Variants in SAXO2 observed in about 807,000 individuals in gnomAD.
The protein encoded by SAXO2 is family with sequence similarity 154, member B.
Under a neutral mutation model 18.7 loss-of-function variants are expected in SAXO2, and 17 were observed. That is an observed-to-expected ratio of 0.91 (90% CI 0.62 to 1.36). The LOEUF (loss-of-function observed/expected upper bound fraction) is 1.36, where lower values mean the gene tolerates loss of function less well. SAXO2 is among the 40% of genes most tolerant of loss of function. The pLI, the probability that SAXO2 is intolerant of heterozygous loss-of-function variation, is 0.00. For missense variants in SAXO2, 486 were observed against 562.6 expected, an observed-to-expected ratio of 0.86 and a Z score of 1.38; for synonymous variants, 163 against 181.2, an observed-to-expected ratio of 0.90 and a Z score of 0.81.
intron 3 of SAXO2, chr15:82,272,013 C>T (rs1171527694): frequency 1.8e-5 from 8 of 455,636 alleles, no homozygotes; most frequent in Non-Finnish European, 3.1e-5. Flanking sequence ...CCCACAATCC[C>T]ATCCAAATTC....
In SAXO2 at chr15:82,272,790, A is replaced by C. The variant is rs567442386; in HGVS notation, c.433+988A>C. On this transcript the variant is annotated intron_variant, in intron 3 of 3. Transcript: ENST00000682753. ...ACTCCTGACCTCAAGTGATCCACACACCTCAGCCTCCCAAAGTGCTAAGAT... is the reference window on the plus strand; with the variant it reads ...ACTCCTGACCTCAAGTGATCCACACCCCTCAGCCTCCCAAAGTGCTAAGAT... 9.9e-5 allele frequency among the ~76,000 whole-genome samples: 15 copies of C among 151,774 alleles called. 1 individual carries two copies. The South Asian group carries it at 3.1e-3, about 32-fold the overall frequency.
In SAXO2 at chr15:82,284,017, C is replaced by T. The variant is rs1055505744; in HGVS notation, c.*955C>T. The T allele has an allele frequency of 6.6e-6, 1 of 152,176 alleles. No homozygotes were observed. Among genetic ancestry groups the T allele is most frequent in the African/African-American group, 2.4e-5 (1 of 41,440 alleles). 9.4% of individuals were successfully genotyped at this position (152,176 alleles called of 1,614,324 possible). A position where few individuals can be genotyped will look rare whatever the true frequency, so the allele number is the denominator to read the frequency against. Reference sequence around the variant, plus strand: ...AGATTTCTATTTGTACTACCTTAGGCAGTGACTCATATCTCTGAGCCTCAG... The same window carrying T: ...AGATTTCTATTTGTACTACCTTAGGTAGTGACTCATATCTCTGAGCCTCAG... On this transcript the variant is annotated 3_prime_UTR_variant, in exon 4 of 4. Transcript: ENST00000682753.
chr15:82,265,245 A>G (rs992142227), intron 1 of SAXO2, among the ~76,000 whole-genome samples: 2 of 152,126 alleles, frequency 1.3e-5, no homozygotes, highest in Non-Finnish European at 2.9e-5. Context: ...GGTTCACGCC[A>G]TTTCCCTGCC....
At chr15:82,278,130 G>A (rs1178972623) in intron 3 of SAXO2, among the ~76,000 whole-genome samples, 1 of 152,232 alleles carries the variant, frequency 6.6e-6, no homozygotes, top group South Asian at 2.1e-4. Context: ...AGGTGAAGAT[G>A]TATTGCAACT....
chr15:82,268,683 C>G (rs2075242260), intron 2 of SAXO2, among the ~76,000 whole-genome samples: 1 of 152,170 alleles, frequency 6.6e-6, no homozygotes. Context: ...TGAACTTGTA[C>G]AAGATTTTGG....
chr15:82,282,417 C>T lies in SAXO2; in HGVS notation c.732C>T (p.His244=), dbSNP rs1450644374. ...TDQRFEDLTT[H]RCDFQGLIGE... ...AACGCTTTGAGGATCTCACAACTCA[C>T]CGGTGTGACTTTCAGGGTCTCATTG... Residue 244 remains histidine (H), a synonymous_variant, in exon 4 of 4, where the codon CAC becomes CAT. Transcript: ENST00000682753. 10 of 1,613,954 alleles carry T rather than the reference C, an allele frequency of 6.2e-6. No individual in the cohort carries two copies. Among genetic ancestry groups the T allele is most frequent in the Non-Finnish European group, 8.5e-6 (10 of 1,179,936 alleles).
chr15:82,273,930 G>A (rs1278906549), intron 3 of SAXO2, among the ~76,000 whole-genome samples: 2 of 151,944 alleles, frequency 1.3e-5, no homozygotes, highest in African/African-American at 4.8e-5. Context: ...TAGAGACAGA[G>A]TTTCACCATG....
chr15:82,284,163 T>A lies in SAXO2; in HGVS notation c.*1101T>A, dbSNP rs1318786204. 1 of 152,212 alleles carries A rather than the reference T, an allele frequency of 6.6e-6. No homozygotes were observed. The highest frequency in any genetic ancestry group is 2.4e-5 in the African/African-American group (1 of 41,448). 9.4% of individuals were successfully genotyped at this position (152,212 alleles called of 1,614,324 possible). The stretch of plus-strand genomic sequence containing the variant: ...AGGATTTTTTTTTAAAATTGCTCAA[T>A]CTCTTTTTGTACTTGTTTTCTCCTT... On this transcript the variant is annotated 3_prime_UTR_variant, in exon 4 of 4. Coordinates refer to ENST00000682753, the MANE Select transcript of SAXO2 (RefSeq NM_001348699.2).
chr15:82,263,183 G>T lies in SAXO2; in HGVS notation c.53+251G>T, dbSNP rs2075155935. ...AGGATGCAAAGTAAAATGCCACCCG[G>T]GCCAGGTAAGTAATATATGTGAAGC... On this transcript the variant is annotated intron_variant, in intron 1 of 3. Coordinates refer to ENST00000682753, the MANE Select transcript of SAXO2 (RefSeq NM_001348699.2). 4 of 1,451,940 alleles carry T rather than the reference G, an allele frequency of 2.8e-6. No homozygotes were observed. In the African/African-American group the frequency reaches 4.3e-5, roughly 16 times the overall value. 89.9% of individuals were successfully genotyped at this position (1,451,940 alleles called of 1,614,324 possible). A position where few individuals can be genotyped will look rare whatever the true frequency, so the allele number is the denominator to read the frequency against.
intron 3 of SAXO2, among the ~76,000 whole-genome samples, chr15:82,281,392 T>C (rs886540839): frequency 6.6e-6 from 1 of 152,122 alleles, no homozygotes; most frequent in Non-Finnish European, 1.5e-5. Context: ...AGATCTCTGC[T>C]CTGATGGTCA....
intron 2 of SAXO2, 65 bp from the exon 3 acceptor site, chr15:82,271,538 A>G: frequency 7.5e-7 from 1 of 1,333,306 alleles, no homozygotes. Flanking sequence ...CATTTTCCAT[A>G]CTTCATTGAA....
chr15:82,267,011 TAATG>T (rs1434119035), intron 2 of SAXO2, among the ~76,000 whole-genome samples: 1 of 152,236 alleles, frequency 6.6e-6, no homozygotes, highest in Non-Finnish European at 1.5e-5. Flanking sequence ...TTTAAACTGT[TAATG>T]TATGTGCTGT....
At position 82,282,506 on chromosome 15, in the gene SAXO2, G is replaced by T. The variant is rs534001702; in HGVS notation, c.821G>T (p.Gly274Val). 2 of 1,614,144 alleles carry T rather than the reference G, an allele frequency of 1.2e-6. No individual in the cohort carries two copies. ...TRVTQNALFE[G>V]STEFRESFQP... ...GTGACCCAGAATGCTCTGTTTGAAG[G>T]AAGCACTGAATTCCGTGAAAGTTTT... The change falls in exon 4 of 4, where the codon GGA becomes GTA. Residue 274 changes from glycine (G) to valine (V), a missense_variant. By Grantham distance (109) the Gly-to-Val change is moderately radical. Transcript: ENST00000682753.
rs2075392892 is a variant in SAXO2 at position 82,284,373 on chromosome 15, A to G, written c.*1311A>G. On this transcript the variant is annotated 3_prime_UTR_variant, in exon 4 of 4. Transcript: ENST00000682753. ...ATGGAAAGCTTGGAATGGGGTAAAT[A>G]CAGTGGTTTGAATAACAGTATTTGC... The G allele has an allele frequency of 6.6e-6, 1 of 152,138 alleles. No homozygotes were observed. The highest frequency in any genetic ancestry group is 1.5e-5 in the Non-Finnish European group (1 of 68,032). The allele number at this position is 152,138 out of a possible 1,614,324, so 9.4% of individuals were successfully genotyped here. A position where few individuals can be genotyped will look rare whatever the true frequency, so the allele number is the denominator to read the frequency against.
intron 2 of SAXO2, among the ~76,000 whole-genome samples, chr15:82,270,807 T>C: frequency 6.6e-6 from 1 of 152,140 alleles, no homozygotes. Flanking sequence ...TTGTTCCATT[T>C]TATATATAAA....
At chr15:82,281,152 G>A (rs1301123424) in intron 3 of SAXO2, among the ~76,000 whole-genome samples, 1 of 152,190 alleles carries the variant, frequency 6.6e-6, no homozygotes, top group African/African-American at 2.4e-5. Flanking sequence ...ATTTTGGGGT[G>A]AAGTCAATTC....
chr15:82,276,802 C>T (rs996745663), intron 3 of SAXO2, among the ~76,000 whole-genome samples: 1 of 151,954 alleles, frequency 6.6e-6, no homozygotes, highest in Non-Finnish European at 1.5e-5. Flanking sequence ...AAAGAAAAAG[C>T]TGAGATACCT....
intron 3 of SAXO2, among the ~76,000 whole-genome samples, chr15:82,277,885 C>A (rs1231333536): frequency 6.6e-6 from 1 of 152,088 alleles, no homozygotes; most frequent in Non-Finnish European, 1.5e-5. Flanking sequence ...AGGGAGAGTT[C>A]AAAACCACTC....
intron 2 of SAXO2, among the ~76,000 whole-genome samples, chr15:82,269,648 G>A (rs8033050): frequency 0.7 from 106,087 of 151,980 alleles, 38,642 homozygotes; most frequent in African/African-American, 0.9. Flanking sequence ...GATGAGGGCA[G>A]GAATGACTTG....
Sources: allele counts gnomAD v4.1 joint callset (sites outside exome capture counted in the v4.1 genomes callset), GRCh38; gene constraint gnomAD v4.1.1; transcripts MANE v1.5; gene names NCBI Gene and HGNC (gene_info 2026-07-23, HGNC 2026-07-21).